The following DOCK2 variants were observed in gnomAD, a reference collection of about 807,000 sequenced individuals.
DOCK2 encodes dedicator of cytokinesis protein 2.
DOCK2 carries 87 observed loss-of-function variants against 248.9 expected under a neutral mutation model. The ratio of observed to expected loss-of-function variants is 0.35; its 90% CI spans 0.29 to 0.42. The LOEUF is 0.42. DOCK2 is among the 10% of genes least tolerant of loss of function. DOCK2 has a pLI of 1.00. For synonymous variants in DOCK2, 805 were observed against 821.6 expected (o/e 0.98, Z 0.35); for missense variants, 1,747 against 2,300.2 (o/e 0.76, Z 4.92).
In DOCK2 at chr5:170,067,579, A is replaced by T; in HGVS notation, c.4537A>T (p.Ile1513Leu). The T allele has an allele frequency of 4.3e-6, 7 of 1,614,230 alleles. No homozygotes were observed. The highest frequency in any genetic ancestry group is 5.9e-6 in the Non-Finnish European group (7 of 1,180,030). The change falls in exon 45 of 52, where the codon ATA becomes TTA. Residue 1513 changes from isoleucine (I) to leucine (L), a missense_variant. By Grantham distance (5) the Ile-to-Leu change is conservative. This residue lies in a region of DOCK2 where 513 missense variants were observed against 586.1 expected (regional missense o/e 0.88). Coordinates refer to ENST00000520908, the MANE Select transcript of DOCK2 (RefSeq NM_004946.3). ...GGCCAATGAGAAGATCCTGATGATG[A>T]TAAACCAGTACCAGAGTGATGAGAC... The part of the protein sequence containing the change: ...STANEKILMM[I>L]NQYQSDETLP...
intron 10 of DOCK2, 105 bp from the exon 11 acceptor site, chr5:169,698,269 C>T: frequency 1.7e-6 from 2 of 1,154,716 alleles, no homozygotes; most frequent in Non-Finnish European, 2.5e-6. Flanking sequence ...TCCTGACCCC[C>T]AGGCATCCCA....
chr5:169,733,681 A>C (rs1762897675), intron 22 of DOCK2, among the ~76,000 whole-genome samples: 1 of 152,022 alleles, frequency 6.6e-6, no homozygotes, highest in African/African-American at 2.4e-5. Context: ...TTATTCTGAA[A>C]CTCGAAAGGA....
chr5:169,826,238 C>T (rs1287129778), intron 26 of DOCK2, among the ~76,000 whole-genome samples: 2 of 152,134 alleles, frequency 1.3e-5, no homozygotes, highest in Non-Finnish European at 2.9e-5. Context: ...TTTGTGGGTA[C>T]TCAAAAAGAA....
At chr5:169,685,130 T>C (rs896841060) in intron 8 of DOCK2, among the ~76,000 whole-genome samples, 10 of 152,222 alleles carry the variant, frequency 6.6e-5, no homozygotes, top group African/African-American at 9.6e-5. Context: ...ATCTGCATAA[T>C]GCGAGTGCTG....
intron 1 of DOCK2, among the ~76,000 whole-genome samples, chr5:169,652,105 C>T (rs1581385859): frequency 1.3e-5 from 2 of 152,250 alleles, no homozygotes; most frequent in Admixed American, 1.3e-4. Flanking sequence ...ATTCTACAGT[C>T]AGAGGAACTG....
chr5:169,770,290 CTTTTT>C (rs60938799), intron 25 of DOCK2, among the ~76,000 whole-genome samples: 2 of 101,640 alleles, frequency 2.0e-5, no homozygotes, highest in South Asian at 3.5e-4. Flanking sequence ...ATTCTTGAGT[CTTTTT>C]TTTTTTTTTT....
intron 25 of DOCK2, among the ~76,000 whole-genome samples, chr5:169,783,380 T>C (rs543001307): frequency 6.6e-6 from 1 of 152,324 alleles, no homozygotes; most frequent in East Asian, 1.9e-4. Flanking sequence ...CATAGTTGAA[T>C]TGTATTCATC....
chr5:169,840,740 C>T lies in DOCK2; in HGVS notation c.2704-17C>T, dbSNP rs1028626331. 2 of 1,612,430 alleles carry T rather than the reference C, an allele frequency of 1.2e-6. No homozygotes were observed. The highest frequency in any genetic ancestry group is 1.7e-5 in the Admixed American group (1 of 59,962). On this transcript the variant is annotated splice_polypyrimidine_tract_variant and intron_variant, in intron 26 of 51. Coordinates refer to ENST00000520908, the MANE Select transcript of DOCK2 (RefSeq NM_004946.3). ...AGTGTCCTGGTTGTCACATAGATGTCTCTGACTGTTTTACAGGCCTTCACC... is the reference window on the plus strand; with the variant it reads ...AGTGTCCTGGTTGTCACATAGATGTTTCTGACTGTTTTACAGGCCTTCACC...
intron 46 of DOCK2, among the ~76,000 whole-genome samples, chr5:170,070,852 T>A (rs551729405): frequency 1.3e-5 from 2 of 152,352 alleles, no homozygotes; most frequent in Admixed American, 1.3e-4. Flanking sequence ...AAGCTGTACC[T>A]TCCAAGAAAA....
At chr5:169,858,265 C>T (rs760359031) in intron 27 of DOCK2, among the ~76,000 whole-genome samples, 18 of 152,176 alleles carry the variant, frequency 1.2e-4, no homozygotes, top group Non-Finnish European at 2.2e-4. Flanking sequence ...AGGACAACTG[C>T]GCCAAGGACT....
chr5:169,902,738 G>A (rs1417345414), intron 27 of DOCK2, among the ~76,000 whole-genome samples: 1 of 152,142 alleles, frequency 6.6e-6, no homozygotes, highest in Non-Finnish European at 1.5e-5. Context: ...AATGGGTTGG[G>A]TACTAGGGAC....
chr5:169,740,008 A>C (rs1763229096), intron 22 of DOCK2, among the ~76,000 whole-genome samples: 1 of 152,254 alleles, frequency 6.6e-6, no homozygotes, highest in South Asian at 2.1e-4. Flanking sequence ...AAAACCCTAA[A>C]TACCATTTTT....
chr5:169,855,551 A>C (rs1770844124), intron 27 of DOCK2, among the ~76,000 whole-genome samples: 1 of 152,184 alleles, frequency 6.6e-6, no homozygotes, highest in Admixed American at 6.5e-5. Context: ...GAGATATAAA[A>C]ACCAGGGAAT....
chr5:169,852,906 C>T (rs1453245663), intron 27 of DOCK2, among the ~76,000 whole-genome samples: 3 of 152,182 alleles, frequency 2.0e-5, no homozygotes, highest in African/African-American at 7.2e-5. Flanking sequence ...AGGAGAAATC[C>T]TATCATGAGT....
intron 24 of DOCK2, among the ~76,000 whole-genome samples, chr5:169,760,289 ATT>A (rs375244146): frequency 0.34 from 51,915 of 151,978 alleles, 10,528 homozygotes; most frequent in East Asian, 0.6. Context: ...TAAAAAATGT[ATT>A]GTAGTTTACA....
chr5:169,975,508 C>G (rs944643598), intron 27 of DOCK2, among the ~76,000 whole-genome samples: 13 of 152,176 alleles, frequency 8.5e-5, no homozygotes, highest in African/African-American at 3.1e-4. Flanking sequence ...ACCTTTCCAC[C>G]ACACTGAACT....
At position 169,671,093 on chromosome 5, in the gene DOCK2, C is replaced by A. The variant is rs185282572; in HGVS notation, c.240C>A (p.Ile80=). ...TVEKRRNTEN[I]IPAEIPLAQE... ...CCTTAAATAGAAATACTGAGAACAT[C>A]ATTCCTGCAGAAATTCCTCTGGCAC... The change falls in exon 5 of 52, where the codon ATC becomes ATA. Residue 80 remains isoleucine (I), a synonymous_variant. Coordinates refer to ENST00000520908, the MANE Select transcript of DOCK2 (RefSeq NM_004946.3). The A allele has an allele frequency of 2.5e-5, 40 of 1,614,026 alleles. No individual in the cohort carries two copies. Among genetic ancestry groups the A allele is most frequent in the Non-Finnish European group, 8.5e-7 (1 of 1,179,932 alleles).
rs1356055722 is a variant in DOCK2 at position 169,696,002 on chromosome 5, AATG to A, written c.979+70_979+72del. On this transcript the variant is annotated intron_variant, in intron 10 of 51. Transcript: ENST00000520908. ...CGCACATTTTATGTGGCTGAATTGT[AATG>A]ATGATTTGTTTCCCAACCGCCTCCT... is the stretch of plus-strand genomic sequence containing the variant. The A allele has an allele frequency of 4.6e-6, 7 of 1,513,924 alleles. No homozygotes were observed. In the Admixed American group the frequency reaches 1.4e-4, roughly 30 times the overall value. 93.8% of individuals were successfully genotyped at this position (1,513,924 alleles called of 1,614,324 possible).
chr5:169,890,935 C>G (rs1433495195), intron 27 of DOCK2, among the ~76,000 whole-genome samples: 1 of 152,134 alleles, frequency 6.6e-6, no homozygotes, highest in African/African-American at 2.4e-5. Context: ...TTAATCAGAT[C>G]ACATCAGGCC....
Sources: gnomAD v4.1 joint callset for allele counts (sites outside exome capture counted in the v4.1 genomes callset) on GRCh38, gnomAD v4.1.1 for gene constraint, gnomAD v4.1.1 regional missense constraint, MANE v1.5 for transcripts, NCBI Gene and HGNC (gene_info 2026-07-23, HGNC 2026-07-21) for gene names.